HBP1: variants seen among roughly 807,000 people sequenced by gnomAD.
HBP1 encodes the protein HMG box-containing protein 1.
Under a neutral mutation model 62.6 loss-of-function variants are expected in HBP1, and 20 were observed. The observed-to-expected ratio is 0.32, with a 90% CI of 0.22 to 0.46. The LOEUF (loss-of-function observed/expected upper bound fraction) is 0.46, where lower values mean the gene tolerates loss of function less well. Among genes scored for constraint, HBP1 ranks in the 20% least tolerant of loss-of-function variants. The pLI is 1.00. For missense variants in HBP1, 480 were observed against 611.8 expected (o/e 0.78, Z 2.27); for synonymous variants, 232 against 206.2 (o/e 1.12, Z -1.07).
intron 8 of HBP1, among the ~76,000 whole-genome samples, chr7:107,193,675 C>T (rs918603195): frequency 2.0e-5 from 3 of 152,074 alleles, no homozygotes; most frequent in Non-Finnish European, 2.9e-5. Flanking sequence ...TTAAGAATGG[C>T]CATACCTCTT....
chr7:107,171,073 A>ATATATATTTTTTTTTT lies in HBP1; in HGVS notation c.-16+1889_-16+1890insATATATTTTTTTTTTT. Among the ~76,000 whole-genome samples the ATATATATTTTTTTTTT allele has an allele frequency of 5.4e-4, 47 of 87,200 alleles. 3 individuals carry two copies. The highest frequency in any genetic ancestry group is 2.6e-3 in the African/African-American group (40 of 15,124). 57.2% of individuals were successfully genotyped at this position (87,200 alleles called of 152,430 possible). A position where few individuals can be genotyped will look rare whatever the true frequency, so the allele number is the denominator to read the frequency against. On this transcript the variant is annotated intron_variant, in intron 1 of 10. Transcript: ENST00000222574. Reference sequence around the variant, plus strand: ...TATATATATATATATATATATATATATTTTTTTTTTTTTTTGAGAGGGAGT... The same window carrying ATATATATTTTTTTTTT: ...TATATATATATATATATATATATATATATATATTTTTTTTTTTTTTTTTTTTTTTTTGAGAGGGAGT...
At chr7:107,170,813 A>G (rs970277918) in intron 1 of HBP1, among the ~76,000 whole-genome samples, 1 of 150,004 alleles carries the variant, frequency 6.7e-6, no homozygotes, top group African/African-American at 2.4e-5. Context: ...TTCTCCCAGG[A>G]TTGCCCACCT....
chr7:107,194,484 T>G (rs991463978), intron 8 of HBP1, among the ~76,000 whole-genome samples: 1 of 152,206 alleles, frequency 6.6e-6, no homozygotes, highest in African/African-American at 2.4e-5. Flanking sequence ...TGAGGTAATT[T>G]TGGAGTCATA....
chr7:107,185,704 A>C, intron 3 of HBP1, 97 bp from the exon 4 acceptor site: 1 of 877,768 alleles, frequency 1.1e-6, no homozygotes, highest in Non-Finnish European at 1.8e-6. Context: ...TGTTCAATGT[A>C]ATAACATTGG....
intron 2 of HBP1, among the ~76,000 whole-genome samples, chr7:107,180,345 A>G (rs1329615856): frequency 6.6e-6 from 1 of 152,224 alleles, no homozygotes. Flanking sequence ...GAAAGATGCT[A>G]CTTTTGAAAT....
At chr7:107,190,375 C>A in intron 8 of HBP1, 58 bp downstream of exon 8, 1 of 1,170,658 alleles carries the variant, frequency 8.5e-7, no homozygotes, top group Non-Finnish European at 1.2e-6. Context: ...CTTCATTTCC[C>A]TAATGATGGT....
chr7:107,192,071 T>C (rs1457720984), intron 8 of HBP1, among the ~76,000 whole-genome samples: 4 of 152,104 alleles, frequency 2.6e-5, no homozygotes, highest in Non-Finnish European at 4.4e-5. Context: ...TGACAACATA[T>C]ATGAAATGTC....
chr7:107,179,816 G>T, intron 1 of HBP1, 63 bp from the exon 2 acceptor site: 1 of 1,034,690 alleles, frequency 9.7e-7, no homozygotes. Context: ...ATTTATTTTA[G>T]GTTTGTGTAC....
chr7:107,179,771 C>T, intron 1 of HBP1, 108 bp from the exon 2 acceptor site: 1 of 595,124 alleles, frequency 1.7e-6, no homozygotes, highest in Non-Finnish European at 2.8e-6. Flanking sequence ...GACTATGTCT[C>T]AAAAAAAAAA....
chr7:107,178,505 C>T (rs1270731018), intron 1 of HBP1, among the ~76,000 whole-genome samples: 1 of 152,052 alleles, frequency 6.6e-6, no homozygotes, highest in Non-Finnish European at 1.5e-5. Context: ...TTTATTAACC[C>T]ATATTCTCTT....
At chr7:107,191,302 C>G (rs1412772063) in intron 8 of HBP1, among the ~76,000 whole-genome samples, 1 of 152,056 alleles carries the variant, frequency 6.6e-6, no homozygotes, top group Non-Finnish European at 1.5e-5. Context: ...TTGATTACAT[C>G]CCTCATATAC....
chr7:107,192,586 C>T (rs1043924351), intron 8 of HBP1: 1 of 151,996 alleles, frequency 6.6e-6, no homozygotes, highest in Non-Finnish European at 1.5e-5. Flanking sequence ...TATTTGTATG[C>T]TTCATAACTT....
chr7:107,200,123 G>C lies in HBP1; in HGVS notation c.1386-37G>C, dbSNP rs373896517. 3 of 1,464,450 alleles carry C rather than the reference G, an allele frequency of 2.0e-6. No individual in the cohort carries two copies. The East Asian group carries it at 7.5e-5, about 37-fold the overall frequency. 90.7% of individuals were successfully genotyped at this position (1,464,450 alleles called of 1,614,324 possible). ...ACTTGACATGAGATTTATGAAAAAT[G>C]TGTGCTTTCAGCATTGTGTAAATAT... On this transcript the variant is annotated intron_variant, in intron 9 of 10. Coordinates refer to ENST00000222574, the MANE Select transcript of HBP1 (RefSeq NM_012257.4).
At chr7:107,199,846 ATAGT>A (rs1798136306) in intron 9 of HBP1, among the ~76,000 whole-genome samples, 3 of 152,240 alleles carry the variant, frequency 2.0e-5, no homozygotes, top group African/African-American at 4.8e-5. Flanking sequence ...TAAGATATGC[ATAGT>A]TAATTCTACA....
chr7:107,185,856 C>G lies in HBP1; in HGVS notation c.454C>G (p.Pro152Ala), dbSNP rs747255127. ...CAAAAGTTTACATTCCTATGCACGCCCTCCACCAGTGTCCTCTTCTTCGAA... is the reference window on the plus strand; with the variant it reads ...CAAAAGTTTACATTCCTATGCACGCGCTCCACCAGTGTCCTCTTCTTCGAA... ...TSKSLHSYAR[P>A]PPVSSSSKSE... Residue 152 changes from proline (P) to alanine (A), a missense_variant, in exon 4 of 11, where the codon CCT (proline) becomes GCT (alanine). By Grantham distance (27) the Pro-to-Ala change is conservative (BLOSUM62 -1). Around this residue, in one of 4 missense-constraint regions of HBP1, gnomAD observed 304 missense variants for 330.9 expected, o/e 0.92. Transcript: ENST00000222574. The G allele has an allele frequency of 3.1e-6, 5 of 1,612,458 alleles. No individual in the cohort carries two copies. The South Asian group carries it at 5.5e-5, about 18-fold the overall frequency.
rs530204904 is a variant in HBP1 at position 107,194,978 on chromosome 7, T to G, written c.1068-856T>G. Among the ~76,000 whole-genome samples the G allele has an allele frequency of 2.0e-5, 3 of 152,252 alleles. No individual in the cohort carries two copies. In the East Asian group the frequency reaches 5.8e-4, roughly 29 times the overall value. ...TGGATGGCCTTTCGGGAGACTGATG[T>G]ATGTATGGCTCTCTTTACCTAAACA... On this transcript the variant is annotated intron_variant, in intron 8 of 10. Transcript: ENST00000222574.
At chr7:107,192,937 A>G (rs2115955121) in intron 8 of HBP1, 2 of 152,390 alleles carry the variant, frequency 1.3e-5, no homozygotes, top group South Asian at 4.1e-4. Flanking sequence ...GGGGAGGGCA[A>G]GAAGAGAAAG....
intron 9 of HBP1, among the ~76,000 whole-genome samples, chr7:107,199,033 T>TAA (rs1659104115): frequency 1.3e-5 from 2 of 152,292 alleles, no homozygotes; most frequent in South Asian, 4.1e-4. Context: ...AACCCAAGAC[T>TAA]AAAAGTTTTT....
chr7:107,196,803 C>G (rs1216575290), intron 9 of HBP1: 1 of 154,250 alleles, frequency 6.5e-6, no homozygotes, highest in Admixed American at 6.4e-5. Context: ...TGCCACCACA[C>G]CCAGTTAATT....
Sources: gnomAD v4.1 joint callset for allele counts (sites outside exome capture counted in the v4.1 genomes callset) on GRCh38, gnomAD v4.1.1 for gene constraint, gnomAD v4.1.1 regional missense constraint, MANE v1.5 for transcripts, NCBI Gene and HGNC (gene_info 2026-07-23, HGNC 2026-07-21) for gene names.